Variants in IDI1 observed in about 807,000 individuals in gnomAD.
IDI1 encodes isopentenyl-diphosphate delta isomerase 1.
In IDI1, 23 loss-of-function variants were observed where a neutral mutation model predicts 32.9. The ratio of observed to expected loss-of-function variants is 0.70; its 90% CI spans 0.50 to 0.99. The LOEUF (loss-of-function observed/expected upper bound fraction) is 0.99, where lower values mean the gene tolerates loss of function less well. Ranked by LOEUF, IDI1 falls within the 50% of genes least tolerant of loss-of-function variation. The pLI, the probability that IDI1 is intolerant of heterozygous loss-of-function variation, is 0.00. For synonymous variants in IDI1, 133 were observed against 128.2 expected (o/e 1.04, Z -0.25); for missense variants, 326 against 351.9 (o/e 0.93, Z 0.59).
rs1354143569 is a variant in IDI1 at position 1,048,517 on chromosome 10, A to G, written c.140+347T>C. The G allele has an allele frequency of 2.4e-6, 3 of 1,260,276 alleles. No homozygotes were observed. The African/African-American group carries it at 4.7e-5, about 20-fold the overall frequency. The allele number at this position is 1,260,276 out of a possible 1,614,324, so 78.1% of individuals were successfully genotyped here. On this transcript the variant is annotated intron_variant, in intron 1 of 4. Transcript: ENST00000381344. ...TTGTTTCTGAATTCTCTAAGGGGAGACTCGCAACTCTTAGTCTCCTGCGAC... is the reference window on the plus strand; with the variant it reads ...TTGTTTCTGAATTCTCTAAGGGGAGGCTCGCAACTCTTAGTCTCCTGCGAC...
chr10:1,048,451 C>T (rs996891452), intron 1 of IDI1: 1 of 1,272,124 alleles, frequency 7.9e-7, no homozygotes, highest in African/African-American at 1.5e-5. Flanking sequence ...ACGGGGAGGC[C>T]GGTGTCGTCA....
Position 1,044,015 on chromosome 10 carries a change from G to A in IDI1, c.297C>T (p.Asn99=), listed in dbSNP as rs778999797. 15 of 1,611,654 alleles carry A rather than the reference G, an allele frequency of 9.3e-6. No individual in the cohort carries two copies. The highest frequency in any genetic ancestry group is 1.7e-5 in the Admixed American group (1 of 59,812). Residue 99 remains asparagine (N), a synonymous_variant, in exon 2 of 5, where the codon AAC becomes AAT. Coordinates refer to ENST00000381344, the MANE Select transcript of IDI1 (RefSeq NM_004508.4). ...AAGCAGCACCTTTCTCAATGTTCTC[G>A]TTCAGGTGACAATTCTTCTTGGTCT... is the stretch of plus-strand genomic sequence containing the variant. ...GAETKKNCHL[N]ENIEKGLLHR...
At chr10:1,055,870 G>A in the IDI1 span, among the ~76,000 whole-genome samples, 1 of 152,056 alleles carries the variant, frequency 6.6e-6, no homozygotes, top group Admixed American at 6.6e-5. Flanking sequence ...GTGCAGAGGC[G>A]CGATCTCGGC....
upstream of IDI1, among the ~76,000 whole-genome samples, chr10:1,051,423 C>T (rs577488786): frequency 8.4e-4 from 128 of 152,272 alleles, no homozygotes; most frequent in Admixed American, 3.2e-3. Context: ...TTTATTTTCA[C>T]GAAAATGTCT....
chr10:1,044,956 T>C (rs1034882514), intron 1 of IDI1, among the ~76,000 whole-genome samples: 3 of 152,270 alleles, frequency 2.0e-5, no homozygotes. Context: ...CTGGGCAGTA[T>C]GTAAACTGAG....
the IDI1 span, among the ~76,000 whole-genome samples, chr10:1,054,728 C>T: frequency 6.6e-6 from 1 of 152,100 alleles, no homozygotes; most frequent in African/African-American, 2.4e-5. Context: ...AATTGTGTCC[C>T]CCTTTCAAAT....
At chr10:1,049,873 G>C (rs1021446628), upstream of IDI1, among the ~76,000 whole-genome samples, 1 of 152,166 alleles carries the variant, frequency 6.6e-6, no homozygotes, top group Non-Finnish European at 1.5e-5. Flanking sequence ...GGCTGGTCTG[G>C]AACTCCTGAC....
chr10:1,042,438 G>A, intron 4 of IDI1, 194 bp downstream of exon 4: 1 of 568,950 alleles, frequency 1.8e-6, no homozygotes, highest in South Asian at 1.8e-5. Context: ...TCCCCGTATT[G>A]AGCTAAGTTT....
upstream of IDI1, among the ~76,000 whole-genome samples, chr10:1,050,891 T>G (rs1392810887): frequency 2.0e-5 from 3 of 152,230 alleles, no homozygotes; most frequent in Non-Finnish European, 1.5e-5. Context: ...AAGAAATGAA[T>G]GAGCACCTGC....
Position 1,044,141 on chromosome 10 carries a change from C to A in IDI1, c.171G>T (p.Met57Ile). Residue 57 changes from methionine (M) to isoleucine (I), a missense_variant, in exon 2 of 5, where the codon ATG becomes ATT. Around this residue, in one of 2 missense-constraint regions of IDI1, gnomAD observed 205 missense variants for 273.5 expected, o/e 0.75. Transcript: ENST00000381344. ...GGTGGTTAGTGTTTATTTCAGGCAT[C>A]ATTACAAAATGTCTGATCTGTTCTA... Reference protein sequence around the residue: ...SVLEQIRHFVMMPEINTNHLD... With the variant: ...SVLEQIRHFVIMPEINTNHLD... The A allele has an allele frequency of 6.2e-7, 1 of 1,613,590 alleles. No individual in the cohort carries two copies. The highest frequency in any genetic ancestry group is 8.5e-7 in the Non-Finnish European group (1 of 1,179,596).
intron 4 of IDI1, among the ~76,000 whole-genome samples, chr10:1,042,095 C>G (rs908530248): frequency 6.6e-6 from 1 of 152,162 alleles, no homozygotes; most frequent in African/African-American, 2.4e-5. Context: ...GCGTGAGCCA[C>G]CACGACCGGC....
chr10:1,041,615 G>C, intron 4 of IDI1, 111 bp from the exon 5 acceptor site: 2 of 538,846 alleles, frequency 3.7e-6, no homozygotes, highest in South Asian at 6.6e-5. Flanking sequence ...TATAGTTTTA[G>C]GATTAGAACT....
At chr10:1,056,673 C>A in the IDI1 span, 23,410 of 152,304 alleles carry the variant, frequency 0.15, 2,050 homozygotes, top group East Asian at 0.19. Flanking sequence ...CTTCAGCGCG[C>A]CCAGACCCCT....
chr10:1,048,954 C>T lies in IDI1; in HGVS notation c.50G>A (p.Gly17Glu), dbSNP rs764279443. ...GGCGCGCACCGCCCACTGGCCCCGC[C>T]CCCGGGCCGCGCAGCCAATCGCTCG... ...LARAIGCAAR[G>E]RGQWAVRAAD... Residue 17 changes from glycine (G) to glutamate (E), a missense_variant, in exon 1 of 5, where the codon GGG becomes GAG. Physicochemically the swap from Gly to Glu is moderately conservative, Grantham distance 98. Coordinates refer to ENST00000381344, the MANE Select transcript of IDI1 (RefSeq NM_004508.4). 9 of 1,563,528 alleles carry T rather than the reference C, an allele frequency of 5.8e-6. No homozygotes were observed. In the South Asian group the frequency reaches 1.0e-4, roughly 18 times the overall value.
At chr10:1,054,499 C>T in the IDI1 span, among the ~76,000 whole-genome samples, 4 of 152,034 alleles carry the variant, frequency 2.6e-5, no homozygotes, top group Non-Finnish European at 4.4e-5. Flanking sequence ...GCATTGTTGC[C>T]CTATGTCAGG....
chr10:1,051,069 CAT>C (rs1832998945), upstream of IDI1, among the ~76,000 whole-genome samples: 1 of 152,184 alleles, frequency 6.6e-6, no homozygotes, highest in African/African-American at 2.4e-5. Flanking sequence ...CATTAAAACT[CAT>C]TATTTTTGAC....
chr10:1,049,009 G>A lies in IDI1; in HGVS notation c.-6C>T. On this transcript the variant is annotated 5_prime_UTR_variant, in exon 1 of 5. Transcript: ENST00000381344. ...AGCGCCAGTCCACGCCACATCGCCCGGCCAATTGGCGCCCGTACGCGCTTG... is the reference window on the plus strand; with the variant it reads ...AGCGCCAGTCCACGCCACATCGCCCAGCCAATTGGCGCCCGTACGCGCTTG... The A allele has an allele frequency of 6.7e-7, 1 of 1,484,504 alleles. No homozygotes were observed. Among genetic ancestry groups the A allele is most frequent in the Non-Finnish European group, 8.9e-7 (1 of 1,126,608 alleles). The allele number at this position is 1,484,504 out of a possible 1,614,324, so 92.0% of individuals were successfully genotyped here.
At chr10:1,043,157 T>C in intron 3 of IDI1, 144 bp downstream of exon 3, 1 of 612,312 alleles carries the variant, frequency 1.6e-6, no homozygotes, top group South Asian at 2.0e-5. Context: ...TAGGTTGCAC[T>C]CATTGTGTAA....
chr10:1,049,334 T>A (rs996928105), upstream of IDI1, among the ~76,000 whole-genome samples: 2 of 151,968 alleles, frequency 1.3e-5, no homozygotes, highest in African/African-American at 2.4e-5. Context: ...GCCCTCCCAA[T>A]CCGAAAGCGC....
Sources: allele counts gnomAD v4.1 joint callset (sites outside exome capture counted in the v4.1 genomes callset), GRCh38; gene constraint gnomAD v4.1.1; regional missense constraint gnomAD v4.1.1; transcripts MANE v1.5; gene names NCBI Gene and HGNC (gene_info 2026-07-23, HGNC 2026-07-21).